TAFA4: variants seen among roughly 807,000 people sequenced by gnomAD.
TAFA4 encodes chemokine-like protein TAFA-4.
TAFA4 carries 20 observed loss-of-function variants against 21.1 expected under a neutral mutation model. The observed-to-expected ratio is 0.95, with a 90% CI of 0.67 to 1.38. The LOEUF (loss-of-function observed/expected upper bound fraction) is 1.38, where lower values mean the gene tolerates loss of function less well. TAFA4 is among the 40% of genes most tolerant of loss of function. The pLI, the probability that TAFA4 is intolerant of heterozygous loss-of-function variation, is 0.00. For synonymous variants in TAFA4, 71 were observed against 67.4 expected (o/e 1.05, Z -0.26); for missense variants, 211 against 180.9 (o/e 1.17, Z -0.95).
At chr3:68,801,909 TAATCATTCAAATA>T (rs1703586395) in intron 3 of TAFA4, among the ~76,000 whole-genome samples, 1 of 151,720 alleles carries the variant, frequency 6.6e-6, no homozygotes, top group Non-Finnish European at 1.5e-5. Context: ...ACTTGTCCCC[TAATCATTCAAATA>T]ATTTACACAA....
At chr3:68,885,121 T>G in intron 2 of TAFA4, 54 bp downstream of exon 2, 1 of 1,582,654 alleles carries the variant, frequency 6.3e-7, no homozygotes, top group Non-Finnish European at 8.6e-7. Flanking sequence ...TTTTGCTAAA[T>G]TCTCAATACT....
At chr3:68,773,111 T>C (rs1349299155) in intron 3 of TAFA4, among the ~76,000 whole-genome samples, 2 of 152,204 alleles carry the variant, frequency 1.3e-5, no homozygotes, top group Admixed American at 6.5e-5. Flanking sequence ...GCCGGAATTA[T>C]GCAACCTAAT....
In TAFA4 at chr3:68,833,441, G is replaced by C. The variant is rs190541310; in HGVS notation, c.130+47289C>G. ...AGAATCTTCCATGCATGAAAATGGAGCTTATGTGAAATACAACACTTAACT... is the reference window on the plus strand; with the variant it reads ...AGAATCTTCCATGCATGAAAATGGACCTTATGTGAAATACAACACTTAACT... On this transcript the variant is annotated intron_variant, in intron 3 of 5. Coordinates refer to ENST00000295569, the MANE Select transcript of TAFA4 (RefSeq NM_182522.5). Among the ~76,000 whole-genome samples, 178 of 152,240 alleles carry C rather than the reference G, an allele frequency of 1.2e-3. 1 individual carries two copies. Among genetic ancestry groups the C allele is most frequent in the Admixed American group, 2.6e-3 (39 of 15,286 alleles).
chr3:68,886,889 C>T (rs188076973), intron 1 of TAFA4, among the ~76,000 whole-genome samples: 26 of 152,312 alleles, frequency 1.7e-4, no homozygotes, highest in African/African-American at 4.6e-4. Context: ...AATTAAATTT[C>T]AACATGAGTT....
intron 1 of TAFA4, among the ~76,000 whole-genome samples, chr3:68,924,325 T>C (rs767556646): frequency 1.3e-5 from 2 of 152,208 alleles, no homozygotes; most frequent in Non-Finnish European, 2.9e-5. Context: ...TGACACATGC[T>C]ACAACATGGA....
At chr3:68,884,772 T>TA (rs1320369620) in intron 2 of TAFA4, among the ~76,000 whole-genome samples, 1 of 152,222 alleles carries the variant, frequency 6.6e-6, no homozygotes, top group African/African-American at 2.4e-5. Context: ...CTAATCTATC[T>TA]TCTTCTTACG....
At chr3:68,750,926 T>C (rs936496480) in intron 4 of TAFA4, among the ~76,000 whole-genome samples, 1 of 152,090 alleles carries the variant, frequency 6.6e-6, no homozygotes, top group African/African-American at 2.4e-5. Context: ...AGAGACCACA[T>C]CCCCATCCAC....
At chr3:68,808,391 T>C (rs540718786) in intron 3 of TAFA4, among the ~76,000 whole-genome samples, 81 of 152,188 alleles carry the variant, frequency 5.3e-4, no homozygotes, top group Admixed American at 5.9e-4. Context: ...AATGAAGCAG[T>C]ACTAATGTCT....
At chr3:68,799,020 A>C (rs887075143) in intron 3 of TAFA4, among the ~76,000 whole-genome samples, 1 of 152,152 alleles carries the variant, frequency 6.6e-6, no homozygotes, top group Non-Finnish European at 1.5e-5. Context: ...TACCTTGAAA[A>C]ATGCTTTACT....
rs201960923 is a variant in TAFA4, at chr3:68,920,558, CA to C, written c.-123+11681del. Among the ~76,000 whole-genome samples, 1,070 of 151,856 alleles carry C rather than the reference CA, an allele frequency of 7.0e-3. 12 individuals are homozygous for C. Among genetic ancestry groups the C allele is most frequent in the African/African-American group, 0.025 (1,017 of 41,388 alleles). On this transcript the variant is annotated intron_variant, in intron 1 of 5. Coordinates refer to ENST00000295569, the MANE Select transcript of TAFA4 (RefSeq NM_182522.5). Reference sequence around the variant, plus strand: ...AATATTTTAAATATGCGCAGAAGCCCAAACTCTTCATAGTATCTGAGAAGGG... The same window carrying C: ...AATATTTTAAATATGCGCAGAAGCCCAACTCTTCATAGTATCTGAGAAGGG...
chr3:68,929,919 A>C (rs1266006785), intron 1 of TAFA4, among the ~76,000 whole-genome samples: 2 of 152,260 alleles, frequency 1.3e-5, no homozygotes, highest in Non-Finnish European at 2.9e-5. Context: ...ATGCATGTTC[A>C]AATCAGATCA....
intron 4 of TAFA4, among the ~76,000 whole-genome samples, chr3:68,740,657 T>C (rs1184455302): frequency 6.6e-6 from 1 of 152,208 alleles, no homozygotes; most frequent in African/African-American, 2.4e-5. Context: ...TTTCATTTGA[T>C]GTAGTCCCAA....
chr3:68,790,484 A>G (rs1703341899), intron 3 of TAFA4, among the ~76,000 whole-genome samples: 2 of 152,210 alleles, frequency 1.3e-5, no homozygotes, highest in Admixed American at 6.5e-5. Flanking sequence ...TAAAAGAGAG[A>G]TTATCAGATT....
chr3:68,859,858 C>A (rs1033410562), intron 3 of TAFA4, among the ~76,000 whole-genome samples: 1 of 152,072 alleles, frequency 6.6e-6, no homozygotes, highest in Admixed American at 6.6e-5. Context: ...TAGAATACCA[C>A]AAAATTAAAA....
chr3:68,755,132 C>T (rs1234319016), intron 3 of TAFA4, among the ~76,000 whole-genome samples: 1 of 152,188 alleles, frequency 6.6e-6, no homozygotes, highest in African/African-American at 2.4e-5. Context: ...TCTAGCACCA[C>T]AGTTTCTTGC....
chr3:68,921,208 A>G (rs891133344), intron 1 of TAFA4, among the ~76,000 whole-genome samples: 3 of 152,064 alleles, frequency 2.0e-5, no homozygotes, highest in African/African-American at 7.2e-5. Context: ...TATGTAATTA[A>G]AACACAGCTC....
chr3:68,816,508 T>C (rs1042861447), intron 3 of TAFA4, among the ~76,000 whole-genome samples: 1 of 152,224 alleles, frequency 6.6e-6, no homozygotes, highest in Admixed American at 6.5e-5. Context: ...TCTTTTCCGA[T>C]GTGTTGCTAC....
At chr3:68,767,119 T>C (rs191784284) in intron 3 of TAFA4, among the ~76,000 whole-genome samples, 1 of 152,292 alleles carries the variant, frequency 6.6e-6, no homozygotes, top group East Asian at 1.9e-4. Context: ...CATGGATGAA[T>C]TGTATAGTGG....
At chr3:68,793,207 G>C (rs1198122637) in intron 3 of TAFA4, among the ~76,000 whole-genome samples, 3 of 151,986 alleles carry the variant, frequency 2.0e-5, no homozygotes, top group African/African-American at 4.8e-5. Context: ...ATTCCATTCA[G>C]AAAAAAAGAA....
Sources: allele counts gnomAD v4.1 joint callset (sites outside exome capture counted in the v4.1 genomes callset), GRCh38; gene constraint gnomAD v4.1.1; transcripts MANE v1.5; gene names NCBI Gene and HGNC (gene_info 2026-07-23, HGNC 2026-07-21).